Variants in FARS2 observed in about 807,000 individuals in gnomAD.
FARS2 encodes the protein phenylalanine--tRNA ligase, mitochondrial.
In FARS2, 40 loss-of-function variants were observed where a neutral mutation model predicts 46.4. That is an observed-to-expected ratio of 0.86 (90% CI 0.67 to 1.12). The LOEUF (loss-of-function observed/expected upper bound fraction) is 1.12. Among genes scored for constraint, FARS2 ranks in the 50% most tolerant of loss-of-function variants. The pLI is 0.00. For missense variants in FARS2, 513 were observed against 567.9 expected (o/e 0.90, Z 0.98); for synonymous variants, 234 against 214.9 (o/e 1.09, Z -0.78).
intron 6 of FARS2, among the ~76,000 whole-genome samples, chr6:5,706,934 T>A (rs1448483483): frequency 6.6e-6 from 1 of 152,260 alleles, no homozygotes; most frequent in African/African-American, 2.4e-5. Context: ...TCAGCGGAGC[T>A]GTGATAGAGT....
intron 4 of FARS2, among the ~76,000 whole-genome samples, chr6:5,498,362 C>CGTTCAAGA (rs1286037141): frequency 6.6e-6 from 1 of 152,100 alleles, no homozygotes; most frequent in African/African-American, 2.4e-5. Context: ...TAAGAGTTAT[C>CGTTCAAGA]GTTCAAGAGC....
intron 6 of FARS2, among the ~76,000 whole-genome samples, chr6:5,645,149 T>G (rs73718341): frequency 6.6e-6 from 1 of 152,180 alleles, no homozygotes; most frequent in Non-Finnish European, 1.5e-5. Flanking sequence ...TACCCATCAG[T>G]AAATATTAGC....
At chr6:5,595,978 G>T (rs1157832884) in intron 5 of FARS2, among the ~76,000 whole-genome samples, 1 of 152,088 alleles carries the variant, frequency 6.6e-6, no homozygotes, top group East Asian at 1.9e-4. Context: ...AGAGAAAGGG[G>T]GTAGTTAATT....
At chr6:5,507,386 T>TA (rs11310332) in intron 4 of FARS2, among the ~76,000 whole-genome samples, 20 of 150,786 alleles carry the variant, frequency 1.3e-4, no homozygotes, top group East Asian at 3.9e-4. Context: ...GGAAGCTCTT[T>TA]AAAAAAAAAA....
At chr6:5,627,063 C>T (rs1776070819) in intron 6 of FARS2, among the ~76,000 whole-genome samples, 1 of 152,252 alleles carries the variant, frequency 6.6e-6, no homozygotes, top group Non-Finnish European at 1.5e-5. Flanking sequence ...CGCATCACCA[C>T]AAATGCATGA....
At chr6:5,357,709 G>A (rs796199402) in intron 1 of FARS2, among the ~76,000 whole-genome samples, 5 of 152,308 alleles carry the variant, frequency 3.3e-5, no homozygotes, top group African/African-American at 1.2e-4. Context: ...CATTAGGAGA[G>A]GGCAGGCAAT....
chr6:5,459,377 G>GT (rs1419287197), intron 4 of FARS2, among the ~76,000 whole-genome samples: 3 of 122,232 alleles, frequency 2.5e-5, no homozygotes, highest in African/African-American at 9.5e-5. Flanking sequence ...AGCAATTTAT[G>GT]ATTTTTTTTT....
chr6:5,762,448 T>G (rs533953957), intron 6 of FARS2, among the ~76,000 whole-genome samples: 2 of 152,100 alleles, frequency 1.3e-5, no homozygotes, highest in Non-Finnish European at 2.9e-5. Flanking sequence ...TACACACGCA[T>G]GCAAGGACCA....
At chr6:5,538,974 C>T (rs1178611105) in intron 4 of FARS2, among the ~76,000 whole-genome samples, 1 of 152,156 alleles carries the variant, frequency 6.6e-6, no homozygotes, top group Non-Finnish European at 1.5e-5. Context: ...TAAGCTTTGA[C>T]ACACAGGTGG....
At chr6:5,282,192 T>A (rs1190871612) in intron 1 of FARS2, among the ~76,000 whole-genome samples, 2 of 152,190 alleles carry the variant, frequency 1.3e-5, no homozygotes, top group African/African-American at 4.8e-5. Flanking sequence ...AGGAAAGTGT[T>A]ACCTTGCCAG....
intron 1 of FARS2, among the ~76,000 whole-genome samples, chr6:5,276,271 G>A (rs188780016): frequency 1.3e-5 from 2 of 152,328 alleles, no homozygotes; most frequent in Admixed American, 1.3e-4. Context: ...ATATGTGATA[G>A]TAAGGGAGAA....
intron 1 of FARS2, among the ~76,000 whole-genome samples, chr6:5,302,994 A>G (rs892829626): frequency 6.6e-6 from 1 of 152,186 alleles, no homozygotes; most frequent in Non-Finnish European, 1.5e-5. Flanking sequence ...AGTGTCAGAT[A>G]CTGGGGTTTA....
chr6:5,643,721 A>G (rs555836576), intron 6 of FARS2, among the ~76,000 whole-genome samples: 2 of 152,236 alleles, frequency 1.3e-5, no homozygotes, highest in Admixed American at 6.5e-5. Flanking sequence ...TTTGGAGCCA[A>G]TTTCCAAGGG....
At chr6:5,584,293 T>C (rs1251371319) in intron 5 of FARS2, among the ~76,000 whole-genome samples, 2 of 152,126 alleles carry the variant, frequency 1.3e-5, no homozygotes, top group Non-Finnish European at 2.9e-5. Context: ...ATGTGTATGA[T>C]TAAAAACAGC....
chr6:5,394,365 T>C (rs1290073716), intron 2 of FARS2, among the ~76,000 whole-genome samples: 2 of 152,336 alleles, frequency 1.3e-5, no homozygotes, highest in Non-Finnish European at 2.9e-5. Flanking sequence ...TATGGTAACA[T>C]GCTGTTATAG....
At chr6:5,587,936 T>C (rs1773707454) in intron 5 of FARS2, among the ~76,000 whole-genome samples, 2 of 152,110 alleles carry the variant, frequency 1.3e-5, no homozygotes, top group South Asian at 4.2e-4. Context: ...AATGGGATAG[T>C]GTATGTAAAT....
chr6:5,314,877 A>G (rs1769336957), intron 1 of FARS2, among the ~76,000 whole-genome samples: 1 of 149,888 alleles, frequency 6.7e-6, no homozygotes, highest in African/African-American at 2.5e-5. Flanking sequence ...AAGTTTTTGG[A>G]GAAATGTGAG....
chr6:5,737,802 A>G (rs1441301206), intron 6 of FARS2, among the ~76,000 whole-genome samples: 2 of 152,040 alleles, frequency 1.3e-5, no homozygotes, highest in Non-Finnish European at 1.5e-5. Context: ...TGATAGGAGG[A>G]CTGGAGAGGG....
At chr6:5,621,844 A>G (rs1288665302) in intron 6 of FARS2, among the ~76,000 whole-genome samples, 2 of 152,212 alleles carry the variant, frequency 1.3e-5, no homozygotes, top group African/African-American at 4.8e-5. Context: ...GGGAAGGTCT[A>G]AGGGCCAGAG....
Sources: allele counts gnomAD v4.1 joint callset (sites outside exome capture counted in the v4.1 genomes callset), GRCh38; gene constraint gnomAD v4.1.1; transcripts MANE v1.5; gene names NCBI Gene and HGNC (gene_info 2026-07-23, HGNC 2026-07-21).